The following SEL1L3 variants were observed in gnomAD, a reference collection of about 807,000 sequenced individuals.
SEL1L3 encodes the protein SEL1L family member 3.
In SEL1L3, 76 loss-of-function variants were observed where a neutral mutation model predicts 142.8. The ratio of observed to expected loss-of-function variants is 0.53; its 90% CI spans 0.44 to 0.64. The LOEUF (loss-of-function observed/expected upper bound fraction) is 0.64. Among genes scored for constraint, SEL1L3 ranks in the 30% least tolerant of loss-of-function variants. SEL1L3 has a pLI of 0.00. For missense variants in SEL1L3, 1,262 were observed against 1,381.7 expected, an observed-to-expected ratio of 0.91 and a Z score of 1.37; for synonymous variants, 504 against 519.6, an observed-to-expected ratio of 0.97 and a Z score of 0.41.
intron 19 of SEL1L3, among the ~76,000 whole-genome samples, chr4:25,767,110 G>C (rs1379021030): frequency 1.3e-5 from 2 of 152,120 alleles, no homozygotes; most frequent in African/African-American, 2.4e-5. Flanking sequence ...TGGCCAACAT[G>C]GTGAAACCCT....
chr4:25,863,342 C>G, upstream of SEL1L3: 1 of 625,892 alleles, frequency 1.6e-6, no homozygotes, highest in South Asian at 1.8e-5. Flanking sequence ...CTCCCAAACC[C>G]CCTCTCTTTT....
intron 8 of SEL1L3, 79 bp downstream of exon 8, chr4:25,819,729 T>A (rs1024044038): frequency 1.5e-6 from 2 of 1,377,004 alleles, no homozygotes; most frequent in African/African-American, 2.9e-5. Flanking sequence ...TTAATTTTAA[T>A]CCTGTTATGG....
In SEL1L3 at chr4:25,806,140, G is replaced by A. The variant is rs1201828682; in HGVS notation, c.1565-1388C>T. Among the ~76,000 whole-genome samples, 6 of 150,234 alleles carry A rather than the reference G, an allele frequency of 4.0e-5. 1 individual carries two copies. In the Admixed American group the frequency reaches 4.0e-4, roughly 10 times the overall value. On this transcript the variant is annotated intron_variant, in intron 9 of 23. Transcript: ENST00000399878. ...TGCAAGCTCCGCCTCCTGGGTTCAC[G>A]CCATTCCCCTTCCTCAGCCTCCCGA...
intron 13 of SEL1L3, among the ~76,000 whole-genome samples, chr4:25,787,936 G>A (rs1194039230): frequency 1.3e-5 from 2 of 152,200 alleles, no homozygotes; most frequent in African/African-American, 2.4e-5. Flanking sequence ...GGGGGCTGGC[G>A]GCTGAGCGCC....
chr4:25,726,629 G>C, the SEL1L3 span, among the ~76,000 whole-genome samples: 1 of 152,014 alleles, frequency 6.6e-6, no homozygotes, highest in East Asian at 1.9e-4. Context: ...TCTGGCTTCT[G>C]AGAGTTACAC....
rs764693588 is a variant in SEL1L3, at chr4:25,847,443, A to T, written c.584T>A (p.Leu195His). 1 of 1,614,034 alleles carries T rather than the reference A, an allele frequency of 6.2e-7. No individual in the cohort carries two copies. The highest frequency in any genetic ancestry group is 8.5e-7 in the Non-Finnish European group (1 of 1,179,894). Residue 195 changes from leucine (L) to histidine (H), a missense_variant, in exon 2 of 24, where the codon CTC (leucine) becomes CAC (histidine). Physicochemically the swap from Leu to His is moderately conservative, Grantham distance 99. This residue lies in a region of SEL1L3 where 689 missense variants were observed against 692.8 expected (regional missense o/e 0.99). Transcript: ENST00000399878. ...DWNVKWEENL[L>H]HAVAKNYTLL... is the part of the protein sequence containing the mutation. ...GGTATAATTCTTTGCTACAGCATGGAGCAAGTTTTCCTCCCATTTAACATT... is the reference window on the plus strand; with the variant it reads ...GGTATAATTCTTTGCTACAGCATGGTGCAAGTTTTCCTCCCATTTAACATT...
chr4:25,732,569 T>G, the SEL1L3 span, among the ~76,000 whole-genome samples: 2 of 152,214 alleles, frequency 1.3e-5, no homozygotes, highest in Non-Finnish European at 2.9e-5. Context: ...GTTTTAATTT[T>G]CATTGAATGA....
At chr4:25,846,952 C>T (rs1461433059) in intron 2 of SEL1L3, among the ~76,000 whole-genome samples, 1 of 147,148 alleles carries the variant, frequency 6.8e-6, no homozygotes, top group African/African-American at 2.5e-5. Flanking sequence ...CTTTAGCAGG[C>T]TTGTTGGAAG....
At chr4:25,739,272 C>A in the SEL1L3 span, among the ~76,000 whole-genome samples, 55 of 152,160 alleles carry the variant, frequency 3.6e-4, 1 homozygote, top group African/African-American at 1.3e-3. Context: ...TTGGTTGTCA[C>A]AACTGAGTGG....
the SEL1L3 span, among the ~76,000 whole-genome samples, chr4:25,741,253 AC>A: frequency 2.0e-5 from 3 of 151,674 alleles, no homozygotes; most frequent in South Asian, 6.2e-4. Flanking sequence ...ACAGGCAGCC[AC>A]CACCACACCC....
intron 4 of SEL1L3, 42 bp downstream of exon 4, chr4:25,833,406 C>A (rs1553875872): frequency 6.3e-7 from 1 of 1,579,196 alleles, no homozygotes; most frequent in Non-Finnish European, 8.6e-7. Flanking sequence ...CAGAGCATTA[C>A]AAAATTACAA....
At position 25,761,669 on chromosome 4, in the gene SEL1L3, C is replaced by G. The variant is rs569564595; in HGVS notation, c.2956-2601G>C. On this transcript the variant is annotated intron_variant, in intron 20 of 23. Coordinates refer to ENST00000399878, the MANE Select transcript of SEL1L3 (RefSeq NM_015187.5). ...GCAAAGAATAAGAATACAGAATTTA[C>G]AAAAAAGAAAATGTAAAAAGTAAAT... Among the ~76,000 whole-genome samples, 301 of 151,926 alleles carry G rather than the reference C, an allele frequency of 2.0e-3. 1 individual carries two copies. The highest frequency in any genetic ancestry group is 7.0e-3 in the African/African-American group (292 of 41,470).
intron 10 of SEL1L3, 62 bp downstream of exon 10, chr4:25,804,479 G>C: frequency 8.0e-7 from 1 of 1,246,106 alleles, no homozygotes; most frequent in Non-Finnish European, 1.2e-6. Context: ...AGGGGCACGA[G>C]AGCATTGCTT....
chr4:25,716,244 T>C, the SEL1L3 span, among the ~76,000 whole-genome samples: 1 of 151,910 alleles, frequency 6.6e-6, no homozygotes, highest in Non-Finnish European at 1.5e-5. Flanking sequence ...GAAATGTAAA[T>C]GGCCAATTAA....
At chr4:25,773,456 A>G (rs1719379261) in intron 17 of SEL1L3, 2 of 152,294 alleles carry the variant, frequency 1.3e-5, no homozygotes, top group Admixed American at 6.5e-5. Context: ...CTTCATACAT[A>G]TCAATGATTA....
chr4:25,715,509 T>G, the SEL1L3 span, among the ~76,000 whole-genome samples: 1 of 152,062 alleles, frequency 6.6e-6, no homozygotes, highest in African/African-American at 2.4e-5. Flanking sequence ...ATGGTGGAAA[T>G]TTGGCAATAT....
intron 7 of SEL1L3, among the ~76,000 whole-genome samples, chr4:25,821,352 T>C (rs373531125): frequency 8.6e-4 from 131 of 152,270 alleles, no homozygotes; most frequent in African/African-American, 3.0e-3. Context: ...GTTCTTGATC[T>C]CCTTAAAGCA....
At chr4:25,834,085 C>T (rs980837012) in intron 3 of SEL1L3, among the ~76,000 whole-genome samples, 5 of 152,166 alleles carry the variant, frequency 3.3e-5, no homozygotes, top group African/African-American at 1.2e-4. Flanking sequence ...CACATATATG[C>T]TATTTTCATG....
chr4:25,849,981 G>C (rs540031182), intron 1 of SEL1L3, among the ~76,000 whole-genome samples: 1 of 152,288 alleles, frequency 6.6e-6, no homozygotes, highest in African/African-American at 2.4e-5. Context: ...ATCTCAGTTG[G>C]GCTTTGAGGG....
Sources: allele counts gnomAD v4.1 joint callset (sites outside exome capture counted in the v4.1 genomes callset), GRCh38; gene constraint gnomAD v4.1.1; regional missense constraint gnomAD v4.1.1; transcripts MANE v1.5; gene names NCBI Gene and HGNC (gene_info 2026-07-23, HGNC 2026-07-21).